Variants in UTRN observed in about 807,000 individuals in gnomAD.
UTRN encodes utrophin, also known as dystrophin-related protein 1.
In UTRN, 283 loss-of-function variants were observed where a neutral mutation model predicts 463.9. The ratio of observed to expected loss-of-function variants is 0.61; its 90% CI spans 0.55 to 0.67. The LOEUF (loss-of-function observed/expected upper bound fraction) is 0.67. UTRN is among the 30% of genes least tolerant of loss of function. UTRN has a pLI of 0.00. For synonymous variants in UTRN, 1,442 were observed against 1,431.5 expected, an observed-to-expected ratio of 1.01 and a Z score of -0.17; for missense variants, 3,922 against 4,084.3, an observed-to-expected ratio of 0.96 and a Z score of 1.08.
intron 65 of UTRN, among the ~76,000 whole-genome samples, chr6:144,811,455 G>A (rs1430709599): frequency 2.6e-5 from 4 of 151,988 alleles, no homozygotes; most frequent in East Asian, 3.9e-4. Flanking sequence ...TCCTTACATC[G>A]TTTTACCAGT....
intron 64 of UTRN, among the ~76,000 whole-genome samples, chr6:144,800,970 G>C (rs1490980100): frequency 1.3e-5 from 2 of 152,160 alleles, no homozygotes; most frequent in Non-Finnish European, 2.9e-5. Context: ...CTTTGAATCA[G>C]AAGTCATTGG....
chr6:144,303,392 T>G (rs1201689414), intron 2 of UTRN, among the ~76,000 whole-genome samples: 1 of 152,232 alleles, frequency 6.6e-6, no homozygotes, highest in Non-Finnish European at 1.5e-5. Context: ...TGGGATTTGC[T>G]TTATGTTTTC....
intron 26 of UTRN, among the ~76,000 whole-genome samples, chr6:144,480,212 A>G (rs1345616466): frequency 7.9e-5 from 12 of 152,354 alleles, no homozygotes; most frequent in East Asian, 1.9e-4. Context: ...ATGAGGGCCC[A>G]TGAGACAAGC....
chr6:144,300,291 T>C (rs1173643661), intron 2 of UTRN, among the ~76,000 whole-genome samples: 2 of 152,166 alleles, frequency 1.3e-5, no homozygotes, highest in Non-Finnish European at 1.5e-5. Flanking sequence ...GGTTTCACCA[T>C]GTCAGCCAGG....
intron 2 of UTRN, among the ~76,000 whole-genome samples, chr6:144,334,427 G>C (rs1776568413): frequency 6.7e-6 from 1 of 149,874 alleles, no homozygotes; most frequent in Admixed American, 6.6e-5. Flanking sequence ...CCCGGGAGTG[G>C]TAGTGTTGCG....
intron 53 of UTRN, among the ~76,000 whole-genome samples, chr6:144,702,254 T>C (rs1187674078): frequency 2.0e-5 from 3 of 152,204 alleles, no homozygotes; most frequent in Admixed American, 1.3e-4. Flanking sequence ...TGGCTGTATT[T>C]TGGCCTCCCT....
chr6:144,510,353 T>C (rs1423856634), intron 34 of UTRN, among the ~76,000 whole-genome samples: 1 of 152,216 alleles, frequency 6.6e-6, no homozygotes, highest in Non-Finnish European at 1.5e-5. Flanking sequence ...TTTGCACTTA[T>C]GACAGTTGTA....
chr6:144,470,307 G>A (rs1280630426), intron 23 of UTRN, among the ~76,000 whole-genome samples: 2 of 151,626 alleles, frequency 1.3e-5, no homozygotes, highest in Non-Finnish European at 2.9e-5. Context: ...CCTCCCAGAC[G>A]GGGCGGCTGC....
chr6:144,662,883 T>C (rs546273556), intron 51 of UTRN, among the ~76,000 whole-genome samples: 1 of 152,324 alleles, frequency 6.6e-6, no homozygotes, highest in African/African-American at 2.4e-5. Flanking sequence ...TTTGGAGACA[T>C]CCAGTGGTTT....
intron 66 of UTRN, among the ~76,000 whole-genome samples, chr6:144,824,773 T>G (rs9497095): frequency 0.39 from 40,707 of 104,946 alleles, 7,435 homozygotes; most frequent in East Asian, 0.7. Context: ...AAGTTGGTGG[T>G]GGGGGGGGGT....
Position 144,421,879 on chromosome 6 carries a change from GT to G in UTRN, c.144del (p.Ser48ArgfsTer23), listed in dbSNP as rs1562373924. 1 of 1,610,528 alleles carries G rather than the reference GT, an allele frequency of 6.2e-7. No homozygotes were observed. The highest frequency in any genetic ancestry group is 8.5e-7 in the Non-Finnish European group (1 of 1,178,476). On this transcript the variant is annotated frameshift_variant and splice_region_variant, in exon 4 of 75. Transcript: ENST00000367545. LOFTEE classifies it high-confidence loss of function. ...TTTATTTGTGTTTTTCTTTTACAGA[GT>G]GGGAAACCACCCATCAATGATATGT... ...TKWINARFSK[S>X]GKPPINDMFT... is the part of the protein sequence containing the mutation.
chr6:144,394,799 C>T (rs1430056167), intron 2 of UTRN, among the ~76,000 whole-genome samples: 1 of 151,032 alleles, frequency 6.6e-6, no homozygotes, highest in Non-Finnish European at 1.5e-5. Flanking sequence ...GAGGAAGATC[C>T]CTCATAACAT....
At chr6:144,301,096 G>A (rs983618770) in intron 2 of UTRN, among the ~76,000 whole-genome samples, 1 of 151,992 alleles carries the variant, frequency 6.6e-6, no homozygotes, top group African/African-American at 2.4e-5. Flanking sequence ...GTGTGTTCTA[G>A]TTTACTCTGT....
intron 66 of UTRN, among the ~76,000 whole-genome samples, chr6:144,824,771 GGT>G (rs201010088): frequency 0.054 from 5,417 of 100,980 alleles, 238 homozygotes; most frequent in South Asian, 0.11. Flanking sequence ...TGAAGTTGGT[GGT>G]GGGGGGGGGT....
chr6:144,562,334 A>G (rs1800007590), intron 50 of UTRN, among the ~76,000 whole-genome samples: 1 of 152,060 alleles, frequency 6.6e-6, no homozygotes, highest in South Asian at 2.1e-4. Flanking sequence ...TTCATTAGCT[A>G]TATATCCTGA....
At chr6:144,359,745 T>TA (rs1778882533) in intron 2 of UTRN, among the ~76,000 whole-genome samples, 1 of 151,926 alleles carries the variant, frequency 6.6e-6, no homozygotes, top group Middle Eastern at 3.2e-3. Flanking sequence ...CTTTTTTAGT[T>TA]ACTCTGCCAT....
chr6:144,779,638 G>A (rs1775641676), intron 60 of UTRN, among the ~76,000 whole-genome samples: 1 of 152,152 alleles, frequency 6.6e-6, no homozygotes, highest in South Asian at 2.1e-4. Flanking sequence ...GGCAGAAAGG[G>A]TAGAGGAGAA....
chr6:144,339,640 A>T (rs1776992388), intron 2 of UTRN, among the ~76,000 whole-genome samples: 1 of 152,148 alleles, frequency 6.6e-6, no homozygotes, highest in Non-Finnish European at 1.5e-5. Context: ...GGTGTTTGTC[A>T]TATCAGGGAA....
At chr6:144,536,178 G>C (rs1269367590) in intron 43 of UTRN, among the ~76,000 whole-genome samples, 1 of 152,128 alleles carries the variant, frequency 6.6e-6, no homozygotes, top group Non-Finnish European at 1.5e-5. Context: ...ATTATATTTA[G>C]CTAATTTGCA....
Sources: gnomAD v4.1 joint callset for allele counts (sites outside exome capture counted in the v4.1 genomes callset) on GRCh38, gnomAD v4.1.1 for gene constraint, MANE v1.5 for transcripts, NCBI Gene and HGNC (gene_info 2026-07-23, HGNC 2026-07-21) for gene names.